Variants in RANBP2 observed in about 807,000 individuals in gnomAD.
RANBP2 encodes RAN binding protein 2.
Under a neutral mutation model 303.6 loss-of-function variants are expected in RANBP2, and 57 were observed. The ratio of observed to expected loss-of-function variants is 0.19; its 90% CI spans 0.15 to 0.23. The LOEUF is 0.23. Ranked by LOEUF, RANBP2 falls within the 10% of genes least tolerant of loss-of-function variation. The pLI, the probability that RANBP2 is intolerant of heterozygous loss-of-function variation, is 1.00. For missense variants in RANBP2, 3,138 were observed against 3,780.8 expected (o/e 0.83, Z 4.46); for synonymous variants, 1,167 against 1,301.5 (o/e 0.90, Z 2.23).
chr2:108,771,029 G>T (rs1280542519), intron 20 of RANBP2, among the ~76,000 whole-genome samples: 1 of 152,030 alleles, frequency 6.6e-6, no homozygotes, highest in Admixed American at 6.6e-5. Context: ...GTTGCATATA[G>T]AAGTTTTTTC....
At chr2:109,144,094 T>C in the RANBP2 span, among the ~76,000 whole-genome samples, 5 of 152,206 alleles carry the variant, frequency 3.3e-5, no homozygotes, top group Non-Finnish European at 7.3e-5. Flanking sequence ...CTTTCAGTTA[T>C]AAGATGAATG....
the RANBP2 span, among the ~76,000 whole-genome samples, chr2:109,373,498 G>C: frequency 6.6e-6 from 1 of 152,188 alleles, no homozygotes; most frequent in African/African-American, 2.4e-5. Context: ...AAGAGTAATG[G>C]CTTTAAGGGC....
the RANBP2 span, among the ~76,000 whole-genome samples, chr2:109,367,894 C>T: frequency 6.6e-6 from 1 of 152,170 alleles, no homozygotes. Context: ...AACTGCCTGC[C>T]CTACATTTAT....
the RANBP2 span, among the ~76,000 whole-genome samples, chr2:109,384,068 G>A: frequency 1.3e-5 from 2 of 152,124 alleles, no homozygotes; most frequent in Admixed American, 1.3e-4. Context: ...CCACCCTTAG[G>A]TTTCTGTTGG....
At chr2:109,037,995 C>G in the RANBP2 span, among the ~76,000 whole-genome samples, 1 of 152,308 alleles carries the variant, frequency 6.6e-6, no homozygotes, top group East Asian at 1.9e-4. Context: ...AATAGCTTAA[C>G]CAAACTGGAT....
At position 108,784,812 on chromosome 2, in the gene RANBP2, T is replaced by G. The variant is rs1201981841; in HGVS notation, c.*911T>G. The stretch of plus-strand genomic sequence containing the variant: ...TAAGAGCCACTGACATCCAAAAAAT[T>G]CATTACTTACGCTTCGGGTTCATTC... On this transcript the variant is annotated 3_prime_UTR_variant, in exon 29 of 29. Coordinates refer to ENST00000283195, the MANE Select transcript of RANBP2 (RefSeq NM_006267.5). 6.8e-6 allele frequency: 1 copy of G among 148,062 alleles called. No individual in the cohort carries two copies. Among genetic ancestry groups the G allele is most frequent in the South Asian group, 2.2e-4 (1 of 4,644 alleles). The allele number at this position is 148,062 out of a possible 1,614,324, so 9.2% of individuals were successfully genotyped here.
chr2:108,820,709 A>C, the RANBP2 span, among the ~76,000 whole-genome samples: 3 of 54,336 alleles, frequency 5.5e-5, no homozygotes, highest in Non-Finnish European at 9.7e-5. Context: ...CAAAAAAAAA[A>C]AAAAAACAAA....
the RANBP2 span, among the ~76,000 whole-genome samples, chr2:109,291,280 CTTTTTTT>C: frequency 5.8e-5 from 8 of 137,272 alleles, no homozygotes; most frequent in South Asian, 2.4e-4. Flanking sequence ...AGAGTAATCT[CTTTTTTT>C]TTTTTTTTTT....
chr2:109,608,926 C>T, the RANBP2 span, among the ~76,000 whole-genome samples: 69,178 of 152,068 alleles, frequency 0.45, 16,166 homozygotes, highest in African/African-American at 0.55. Flanking sequence ...AGAGATAAAT[C>T]ACATTAATAT....
the RANBP2 span, among the ~76,000 whole-genome samples, chr2:109,392,797 C>G: frequency 6.4e-4 from 98 of 152,256 alleles, no homozygotes; most frequent in East Asian, 8.5e-3. Context: ...TTACAGGCGT[C>G]AGCCACCACG....
At chr2:108,991,535 C>T in the RANBP2 span, among the ~76,000 whole-genome samples, 1 of 152,194 alleles carries the variant, frequency 6.6e-6, no homozygotes, top group Non-Finnish European at 1.5e-5. Context: ...AGAACACATG[C>T]TTGCTACACA....
the RANBP2 span, among the ~76,000 whole-genome samples, chr2:109,197,610 C>T: frequency 2.6e-5 from 4 of 152,218 alleles, no homozygotes; most frequent in African/African-American, 9.6e-5. Context: ...GTTTAATGCT[C>T]TGCAGTTGCT....
chr2:109,001,161 C>T, the RANBP2 span, among the ~76,000 whole-genome samples: 1 of 152,130 alleles, frequency 6.6e-6, no homozygotes, highest in African/African-American at 2.4e-5. Flanking sequence ...AACTGTGCTG[C>T]GGGTGTAAAA....
the RANBP2 span, among the ~76,000 whole-genome samples, chr2:109,237,544 T>C: frequency 6.6e-6 from 1 of 152,168 alleles, no homozygotes; most frequent in Non-Finnish European, 1.5e-5. Context: ...GGAATGGCTT[T>C]GAATGTGACC....
the RANBP2 span, among the ~76,000 whole-genome samples, chr2:109,166,538 AAT>A: frequency 6.6e-6 from 1 of 152,106 alleles, no homozygotes; most frequent in African/African-American, 2.4e-5. Context: ...CTCTCTGCTC[AAT>A]GTCAGCCATG....
At chr2:109,439,419 A>G in the RANBP2 span, among the ~76,000 whole-genome samples, 6 of 152,152 alleles carry the variant, frequency 3.9e-5, no homozygotes, top group Non-Finnish European at 8.8e-5. Context: ...TTCATTCTGC[A>G]TTTAGAGAGA....
chr2:108,738,072 T>A lies in RANBP2; in HGVS notation c.782+1823T>A, dbSNP rs539998648. Among the ~76,000 whole-genome samples, 294 of 148,762 alleles carry A rather than the reference T, an allele frequency of 2.0e-3. 3 individuals are homozygous for A. The highest frequency in any genetic ancestry group is 7.0e-3 in the African/African-American group (283 of 40,272). On this transcript the variant is annotated intron_variant, in intron 6 of 28. Transcript: ENST00000283195. Reference sequence around the variant, plus strand: ...ACAGGGTTTCATCATGTTGGCCAGGTTGGTCTCAATCTTTTTTTTTTGAGA... The same window carrying A: ...ACAGGGTTTCATCATGTTGGCCAGGATGGTCTCAATCTTTTTTTTTTGAGA...
At chr2:109,289,771 T>A in the RANBP2 span, among the ~76,000 whole-genome samples, 14 of 152,136 alleles carry the variant, frequency 9.2e-5, no homozygotes, top group Admixed American at 2.0e-4. Context: ...CTTTTTTTTT[T>A]AAGCTGGAAA....
At chr2:109,337,161 C>T in the RANBP2 span, among the ~76,000 whole-genome samples, 10 of 152,184 alleles carry the variant, frequency 6.6e-5, no homozygotes, top group Admixed American at 3.3e-4. Context: ...GAGGTACGAA[C>T]TGGCTCATAG....
Sources: allele counts gnomAD v4.1 joint callset (sites outside exome capture counted in the v4.1 genomes callset), GRCh38; gene constraint gnomAD v4.1.1; transcripts MANE v1.5; gene names NCBI Gene and HGNC (gene_info 2026-07-23, HGNC 2026-07-21).